MAP3K15: variants seen among roughly 807,000 people sequenced by gnomAD.
MAP3K15 encodes MAPK/ERK kinase kinase 15.
A neutral mutation model predicts 99.5 loss-of-function variants in MAP3K15; 124 were observed. The observed-to-expected ratio is 1.25, with a 90% CI of 1.08 to 1.45. The LOEUF (loss-of-function observed/expected upper bound fraction) is 1.45. Among genes scored for constraint, MAP3K15 ranks in the 40% most tolerant of loss-of-function variants. The pLI is 0.00. For missense variants in MAP3K15, 1,242 were observed against 1,079.7 expected (o/e 1.15, Z -2.11); for synonymous variants, 494 against 439.6 (o/e 1.12, Z -1.55).
At chrX:19,499,979 G>A (rs1009687608) in intron 1 of MAP3K15, among the ~76,000 whole-genome samples, 3 of 112,872 alleles carry the variant, frequency 2.7e-5, no homozygotes, top group Non-Finnish European at 5.6e-5. Context: ...GGGTGCAGTG[G>A]CCCACGCCTG....
intron 18 of MAP3K15, among the ~76,000 whole-genome samples, chrX:19,390,031 A>T (rs144861896): frequency 0.062 from 6,878 of 111,534 alleles, 414 homozygotes; most frequent in African/African-American, 0.19. Context: ...TTTCAGGCAC[A>T]TGTACCTCCC....
At chrX:19,426,510 G>C (rs901016305) in intron 7 of MAP3K15, among the ~76,000 whole-genome samples, 167 bp from the exon 8 acceptor site, 4 of 110,984 alleles carry the variant, frequency 3.6e-5, no homozygotes, top group African/African-American at 9.9e-5. Context: ...CAGCTCTCTA[G>C]TAACTTTAAA....
chrX:19,381,364 G>A (rs895123908), intron 18 of MAP3K15, among the ~76,000 whole-genome samples: 2 of 112,015 alleles, frequency 1.8e-5, no homozygotes, highest in African/African-American at 6.5e-5. Flanking sequence ...CCCGGAGAGG[G>A]CTTCAGCCAG....
At chrX:19,472,671 A>G (rs995252211) in intron 3 of MAP3K15, among the ~76,000 whole-genome samples, 9 of 112,046 alleles carry the variant, frequency 8.0e-5, no homozygotes, top group Non-Finnish European at 1.3e-4. Context: ...TCTTTAAAAG[A>G]CATAATACAA....
chrX:19,473,616 T>C (rs1171911885), intron 3 of MAP3K15, among the ~76,000 whole-genome samples: 1 of 111,868 alleles, frequency 8.9e-6, no homozygotes, highest in East Asian at 2.8e-4. Flanking sequence ...CTCCAAATAT[T>C]TCCAAAACGG....
rs146210351 is a variant in MAP3K15, at chrX:19,374,511, C to T, written c.2739G>A (p.Lys913=). ...LREGFLRQVN[K]GKKNRIAFKP... ...TGAAGGCAATTCGGTTCTTCTTGCC[C>T]TTGTTCACCTGCCTTAAGAAACCCT... The change falls in exon 20 of 29, where the codon AAG becomes AAA. Residue 913 remains lysine (K), a synonymous_variant. Coordinates refer to ENST00000338883, the MANE Select transcript of MAP3K15 (RefSeq NM_001001671.4). 38 of 1,211,332 alleles carry T rather than the reference C, an allele frequency of 3.1e-5. No homozygotes were observed. The highest frequency in any genetic ancestry group is 4.0e-5 in the Non-Finnish European group (36 of 895,321).
intron 1 of MAP3K15, among the ~76,000 whole-genome samples, chrX:19,501,949 C>T (rs995417191): frequency 2.7e-5 from 3 of 111,659 alleles, no homozygotes; most frequent in South Asian, 3.7e-4. Flanking sequence ...GCCTGTAATC[C>T]CAACTACTTG....
At chrX:19,512,785 G>T (rs769562937) in intron 1 of MAP3K15, among the ~76,000 whole-genome samples, 2 of 110,485 alleles carry the variant, frequency 1.8e-5, no homozygotes, top group Non-Finnish European at 3.8e-5. Context: ...TGCCACTAGT[G>T]CAACTAAGGA....
intron 6 of MAP3K15, among the ~76,000 whole-genome samples, chrX:19,443,706 C>T (rs1281159879): frequency 9.0e-6 from 1 of 111,373 alleles, no homozygotes; most frequent in African/African-American, 3.3e-5. Context: ...CTGAGAACAG[C>T]CTGCTGCCCT....
intron 12 of MAP3K15, chrX:19,408,621 C>T: frequency 8.9e-6 from 1 of 112,371 alleles, no homozygotes; most frequent in Non-Finnish European, 1.8e-5. Flanking sequence ...CCACTGTACT[C>T]CAGCCTGGGT....
At chrX:19,496,717 G>A (rs371308693) in intron 1 of MAP3K15, 8 of 111,349 alleles carry the variant, frequency 7.2e-5, no homozygotes, top group African/African-American at 2.3e-4. Flanking sequence ...ATGTCAGCCG[G>A]CTCGAGGGAA....
rs144372711 is a variant in MAP3K15, at chrX:19,368,573, T to C, written c.3566+481A>G. Among the ~76,000 whole-genome samples the C allele has an allele frequency of 3.2e-3, 361 of 112,697 alleles. 2 individuals are homozygous for C. The highest frequency in any genetic ancestry group is 0.01 in the African/African-American group (317 of 31,074). On this transcript the variant is annotated intron_variant, in intron 25 of 28. Coordinates refer to ENST00000338883, the MANE Select transcript of MAP3K15 (RefSeq NM_001001671.4). ...TCCACTAATGCCCGTCTAGGGATCA[T>C]GACAAATCACATGGAAGAAATGACA... is the stretch of plus-strand genomic sequence containing the variant.
At position 19,455,440 on chromosome X, in the gene MAP3K15, G is replaced by A. The variant is rs201392694; in HGVS notation, c.995+1473C>T. On this transcript the variant is annotated intron_variant, in intron 6 of 28. Coordinates refer to ENST00000338883, the MANE Select transcript of MAP3K15 (RefSeq NM_001001671.4). ...GCTCACTACAGCATCAACTTCCCAG[G>A]ATCAAGCAAGCCGCCTACCTTAGCC... Among the ~76,000 whole-genome samples the A allele has an allele frequency of 2.9e-5, 3 of 104,302 alleles. No individual in the cohort carries two copies. In the East Asian group the frequency reaches 8.9e-4, roughly 31 times the overall value. The allele number at this position is 104,302 out of a possible 115,157, so 90.6% of individuals were successfully genotyped here.
chrX:19,381,041 C>T lies in MAP3K15; in HGVS notation c.2432-764G>A, dbSNP rs183879519. On this transcript the variant is annotated intron_variant, in intron 18 of 28. Coordinates refer to ENST00000338883, the MANE Select transcript of MAP3K15 (RefSeq NM_001001671.4). Reference sequence around the variant, plus strand: ...AAAGACAGAATGCTGGCAGCGGTGGCAGTAATGGCAAAATGTGGTAGGTGC... The same window carrying T: ...AAAGACAGAATGCTGGCAGCGGTGGTAGTAATGGCAAAATGTGGTAGGTGC... 8.0e-5 allele frequency among the ~76,000 whole-genome samples: 9 copies of T among 111,823 alleles called. No individual in the cohort carries two copies. The East Asian group carries it at 8.4e-4, about 10-fold the overall frequency.
intron 1 of MAP3K15, among the ~76,000 whole-genome samples, chrX:19,510,943 T>C (rs917438385): frequency 1.8e-5 from 2 of 111,763 alleles, no homozygotes; most frequent in Non-Finnish European, 3.8e-5. Flanking sequence ...CCATTCACAA[T>C]TGCCACTAAG....
intron 9 of MAP3K15, 30 bp from the exon 10 acceptor site, chrX:19,415,287 G>A (rs1349083833): frequency 1.8e-6 from 2 of 1,107,559 alleles, no homozygotes; most frequent in Non-Finnish European, 2.4e-6. Context: ...CAATATATTG[G>A]ATTCCTAAAG....
chrX:19,456,623 C>T (rs1350851376), intron 6 of MAP3K15, among the ~76,000 whole-genome samples: 1 of 112,006 alleles, frequency 8.9e-6, no homozygotes, highest in East Asian at 2.8e-4. Flanking sequence ...GCAAATTTTA[C>T]CGATTTAAAA....
intron 18 of MAP3K15, among the ~76,000 whole-genome samples, chrX:19,386,360 G>T (rs1329221087): frequency 9.0e-6 from 1 of 111,549 alleles, no homozygotes; most frequent in African/African-American, 3.3e-5. Context: ...GGAGGCTGAG[G>T]CAGGAGAATC....
At chrX:19,497,541 G>A (rs1031088195) in intron 1 of MAP3K15, 1 of 111,914 alleles carries the variant, frequency 8.9e-6, no homozygotes, top group Admixed American at 9.5e-5. Context: ...CAATCATTGT[G>A]AACATCAAAA....
Sources: gnomAD v4.1 joint callset for allele counts (sites outside exome capture counted in the v4.1 genomes callset) on GRCh38, gnomAD v4.1.1 for gene constraint, MANE v1.5 for transcripts, NCBI Gene and HGNC (gene_info 2026-07-23, HGNC 2026-07-21) for gene names.